RICTOR: variants seen among roughly 807,000 people sequenced by gnomAD.
RICTOR encodes RPTOR independent companion of MTOR complex 2, also known as rapamycin-insensitive companion of mTOR.
A neutral mutation model predicts 214.9 loss-of-function variants in RICTOR; 49 were observed. That is an observed-to-expected ratio of 0.23 (90% CI 0.18 to 0.29). The LOEUF is 0.29. RICTOR is among the 10% of genes least tolerant of loss of function. RICTOR has a pLI of 1.00. For synonymous variants in RICTOR, 717 were observed against 711.3 expected, an observed-to-expected ratio of 1.01 and a Z score of -0.13; for missense variants, 1,625 against 2,047.0, an observed-to-expected ratio of 0.79 and a Z score of 3.98.
intron 2 of RICTOR, among the ~76,000 whole-genome samples, chr5:39,034,532 G>A (rs1756518192): frequency 6.6e-6 from 1 of 152,236 alleles, no homozygotes; most frequent in African/African-American, 2.4e-5. Context: ...CCTCACCCGG[G>A]AAGTGCAAGG....
At chr5:38,983,522 G>T (rs1160996297) in intron 7 of RICTOR, among the ~76,000 whole-genome samples, 4 of 152,292 alleles carry the variant, frequency 2.6e-5, no homozygotes, top group Admixed American at 2.0e-4. Flanking sequence ...TGTGGTATCT[G>T]TAGAAATTCA....
intron 2 of RICTOR, among the ~76,000 whole-genome samples, chr5:39,021,535 AG>A (rs1292840768): frequency 6.6e-6 from 1 of 152,206 alleles, no homozygotes; most frequent in African/African-American, 2.4e-5. Context: ...GAAATGGGTT[AG>A]CATGAGAGTG....
chr5:38,984,681 TATC>T (rs981814710), intron 7 of RICTOR, among the ~76,000 whole-genome samples: 5 of 152,196 alleles, frequency 3.3e-5, no homozygotes, highest in African/African-American at 1.2e-4. Context: ...AAACTTTTGT[TATC>T]ATTTATCACC....
chr5:38,948,669 T>C (rs1044297208), intron 31 of RICTOR, among the ~76,000 whole-genome samples: 2 of 152,078 alleles, frequency 1.3e-5, no homozygotes, highest in African/African-American at 4.8e-5. Context: ...CTTTACTGCA[T>C]AGATTTGTAA....
At chr5:38,963,946 T>C (rs1750001949) in intron 16 of RICTOR, among the ~76,000 whole-genome samples, 1 of 151,894 alleles carries the variant, frequency 6.6e-6, no homozygotes, top group Non-Finnish European at 1.5e-5. Context: ...AAACAGTATT[T>C]CCAAAGGCAG....
At chr5:39,066,078 A>G (rs1335350315) in intron 2 of RICTOR, among the ~76,000 whole-genome samples, 2 of 152,258 alleles carry the variant, frequency 1.3e-5, no homozygotes, top group African/African-American at 4.8e-5. Context: ...GAGATCCTCA[A>G]TGAGGGCTCC....
intron 9 of RICTOR, among the ~76,000 whole-genome samples, chr5:38,977,580 G>A (rs1751342333): frequency 6.8e-6 from 1 of 146,678 alleles, no homozygotes; most frequent in Admixed American, 7.1e-5. Flanking sequence ...TGTGACTGAA[G>A]GTATGAAACC....
intron 2 of RICTOR, among the ~76,000 whole-genome samples, chr5:39,039,890 A>T (rs996167006): frequency 1.3e-5 from 2 of 151,980 alleles, no homozygotes; most frequent in African/African-American, 4.8e-5. Flanking sequence ...TAGTTCAACC[A>T]TTGTGGAAGT....
chr5:39,051,074 C>T (rs1228314529), intron 2 of RICTOR, among the ~76,000 whole-genome samples: 1 of 152,020 alleles, frequency 6.6e-6, no homozygotes, highest in Non-Finnish European at 1.5e-5. Flanking sequence ...CGCACCTACA[C>T]ACACACACAC....
rs751304345 is a variant in RICTOR, at chr5:38,958,712, A to G, written c.2298T>C (p.Ile766=). 4 of 1,611,712 alleles carry G rather than the reference A, an allele frequency of 2.5e-6. No homozygotes were observed. Among genetic ancestry groups the G allele is most frequent in the Non-Finnish European group, 8.5e-7 (1 of 1,179,006 alleles). The part of the protein sequence containing the change: ...VTQLHDKNKT[I]SSEALDILDE... Reference sequence around the variant, plus strand: ...CGAGGATATCAAGAGCTTCAGAGGAAATCGTTTTGTTTTTATCATGTAGCT... The same window carrying G: ...CGAGGATATCAAGAGCTTCAGAGGAGATCGTTTTGTTTTTATCATGTAGCT... Residue 766 remains isoleucine (I), a synonymous_variant, in exon 23 of 38, where the codon ATT becomes ATC. Coordinates refer to ENST00000357387, the MANE Select transcript of RICTOR (RefSeq NM_152756.5).
chr5:39,066,814 A>C (rs779154143), intron 2 of RICTOR, among the ~76,000 whole-genome samples: 2 of 152,192 alleles, frequency 1.3e-5, no homozygotes, highest in Non-Finnish European at 2.9e-5. Flanking sequence ...TGCTTTGCTA[A>C]AGCATAATGA....
At chr5:39,067,498 CTCTCT>C (rs1378142429) in intron 2 of RICTOR, among the ~76,000 whole-genome samples, 2 of 152,290 alleles carry the variant, frequency 1.3e-5, no homozygotes, top group South Asian at 2.1e-4. Flanking sequence ...TCACAATTTT[CTCTCT>C]TCTCTTCTAT....
chr5:38,973,745 T>A (rs1750976450), intron 10 of RICTOR, among the ~76,000 whole-genome samples: 1 of 152,184 alleles, frequency 6.6e-6, no homozygotes, highest in South Asian at 2.1e-4. Context: ...TTTGAGAAAT[T>A]ACAGATAAGA....
rs548727982 is a variant in RICTOR at position 39,074,265 on chromosome 5, G to A, written c.49+64C>T. The A allele has an allele frequency of 3.1e-4, 488 of 1,579,964 alleles. 1 individual carries two copies. In the African/African-American group the frequency reaches 6.3e-3, roughly 20 times the overall value. On this transcript the variant is annotated intron_variant, in intron 1 of 37. Transcript: ENST00000357387. Reference sequence around the variant, plus strand: ...GCTCGCTCCCCAACCCAGGGCCAGGGGAAGGCAAGTGCCAGGGGTGGCGGG... The same window carrying A: ...GCTCGCTCCCCAACCCAGGGCCAGGAGAAGGCAAGTGCCAGGGGTGGCGGG...
chr5:39,002,745 T>C, intron 4 of RICTOR, 79 bp from the exon 5 acceptor site: 1 of 1,417,588 alleles, frequency 7.1e-7, no homozygotes, highest in African/African-American at 1.4e-5. Context: ...AAATTATTCC[T>C]CAGCCAAAAT....
At chr5:39,021,229 G>A in intron 2 of RICTOR, 93 bp from the exon 3 acceptor site, 1 of 765,800 alleles carries the variant, frequency 1.3e-6, no homozygotes, top group South Asian at 1.4e-5. Flanking sequence ...TCACAACTTT[G>A]GCTCTTGGTT....
chr5:39,043,784 G>C (rs1684958038), intron 2 of RICTOR, among the ~76,000 whole-genome samples: 1 of 152,106 alleles, frequency 6.6e-6, no homozygotes, highest in South Asian at 2.1e-4. Flanking sequence ...AGTTATCACA[G>C]GAGAGGAACT....
Position 38,958,733 on chromosome 5 carries a change from T to C in RICTOR, c.2277A>G (p.Leu759=). 6.2e-7 allele frequency: 1 copy of C among 1,612,250 alleles called. No individual in the cohort carries two copies. Among genetic ancestry groups the C allele is most frequent in the Non-Finnish European group, 8.5e-7 (1 of 1,178,848 alleles). The change falls in exon 23 of 38, where the codon CTA becomes CTG. Residue 759 remains leucine, a synonymous_variant. Coordinates refer to ENST00000357387, the MANE Select transcript of RICTOR (RefSeq NM_152756.5). ...NWGIELLVTQ[L]HDKNKTISSE... ...AGGAAATCGTTTTGTTTTTATCATG[T>C]AGCTGGGTCACTAACAACTCAATTC...
At chr5:38,975,791 A>T (rs897479251) in intron 9 of RICTOR, among the ~76,000 whole-genome samples, 187 bp from the exon 10 acceptor site, 1 of 152,254 alleles carries the variant, frequency 6.6e-6, no homozygotes, top group African/African-American at 2.4e-5. Flanking sequence ...CTTCAAACTT[A>T]AACTCACAAC....
Sources: gnomAD v4.1 joint callset for allele counts (sites outside exome capture counted in the v4.1 genomes callset) on GRCh38, gnomAD v4.1.1 for gene constraint, MANE v1.5 for transcripts, NCBI Gene and HGNC (gene_info 2026-07-23, HGNC 2026-07-21) for gene names.